RIMS2: variants seen among roughly 807,000 people sequenced by gnomAD.
RIMS2 encodes the protein regulating synaptic membrane exocytosis 2, also known as regulating synaptic membrane exocytosis protein 2.
Under a neutral mutation model 174.4 loss-of-function variants are expected in RIMS2, and 59 were observed. The ratio of observed to expected loss-of-function variants is 0.34; its 90% CI spans 0.27 to 0.42. The LOEUF is 0.42. RIMS2 is among the 10% of genes least tolerant of loss of function. The pLI is 1.00. For missense variants in RIMS2, 1,620 were observed against 1,666.3 expected (o/e 0.97, Z 0.48); for synonymous variants, 606 against 572.5 (o/e 1.06, Z -0.84).
chr8:103,909,078 A>T (rs2075122782), intron 4 of RIMS2, among the ~76,000 whole-genome samples: 1 of 152,102 alleles, frequency 6.6e-6, no homozygotes, highest in Non-Finnish European at 1.5e-5. Context: ...CTGACCCCAA[A>T]GTCTAAATTA....
At chr8:103,941,626 A>G (rs2154538196) in intron 13 of RIMS2, among the ~76,000 whole-genome samples, 1 of 152,334 alleles carries the variant, frequency 6.6e-6, no homozygotes, top group African/African-American at 2.4e-5. Flanking sequence ...ACCTCCTAAA[A>G]AAAATAGACA....
chr8:103,726,394 G>A (rs1224766947), intron 2 of RIMS2, among the ~76,000 whole-genome samples: 1 of 152,062 alleles, frequency 6.6e-6, no homozygotes, highest in Non-Finnish European at 1.5e-5. Flanking sequence ...TTTTGATGAA[G>A]TCCAATTTAT....
At chr8:103,673,347 C>T (rs934840206) in intron 1 of RIMS2, among the ~76,000 whole-genome samples, 1 of 152,212 alleles carries the variant, frequency 6.6e-6, no homozygotes, top group African/African-American at 2.4e-5. Context: ...GCTCCAACCC[C>T]ACATTTCTCC....
intron 3 of RIMS2, among the ~76,000 whole-genome samples, chr8:103,875,951 G>T (rs2099134409): frequency 6.6e-6 from 1 of 151,494 alleles, no homozygotes. Context: ...ACTTTTAGTG[G>T]GATTATTTGG....
chr8:104,154,137 A>T (rs1403170490), intron 19 of RIMS2, among the ~76,000 whole-genome samples: 2 of 152,204 alleles, frequency 1.3e-5, no homozygotes, highest in Non-Finnish European at 2.9e-5. Flanking sequence ...ATGAAGGAGG[A>T]ATGAGTTATT....
chr8:103,505,577 A>G (rs559334886), intron 1 of RIMS2, among the ~76,000 whole-genome samples: 1 of 152,226 alleles, frequency 6.6e-6, no homozygotes, highest in South Asian at 2.1e-4. Flanking sequence ...ATATCTTCGT[A>G]CATGCATTTC....
intron 4 of RIMS2, among the ~76,000 whole-genome samples, chr8:103,906,743 G>C (rs1273311322): frequency 7.1e-6 from 1 of 140,974 alleles, no homozygotes; most frequent in Non-Finnish European, 1.6e-5. Flanking sequence ...TTATTTACAG[G>C]CTTCAGGCTT....
At chr8:103,912,086 G>A in exon 6 of RIMS2, 1 of 1,603,500 alleles carries the variant, frequency 6.2e-7, no homozygotes, top group African/African-American at 1.3e-5. Flanking sequence ...TAAAGATGGA[G>A]ATCGTTTAAT....
chr8:103,545,502 T>C (rs1391309245), intron 1 of RIMS2, among the ~76,000 whole-genome samples: 1 of 152,192 alleles, frequency 6.6e-6, no homozygotes, highest in Non-Finnish European at 1.5e-5. Context: ...GAGGTGAACA[T>C]TGACATCCAG....
rs192376791 is a variant in RIMS2 at position 104,129,586 on chromosome 8, A to C, written c.3334+114971A>C. 4.0e-3 allele frequency among the ~76,000 whole-genome samples: 602 copies of C among 152,332 alleles called. 1 individual carries two copies. The highest frequency in any genetic ancestry group is 0.014 in the African/African-American group (566 of 41,588). ...ATTCTGTATTATCATAGAAGCAAAA[A>C]TGGGTTCATCATCAGACAACAGCTT... On this transcript the variant is annotated intron_variant, in intron 19 of 23. Coordinates refer to ENST00000504942, the Ensembl canonical transcript of RIMS2.
At chr8:104,214,414 T>A (rs1260107259) in intron 19 of RIMS2, among the ~76,000 whole-genome samples, 1 of 152,166 alleles carries the variant, frequency 6.6e-6, no homozygotes, top group Non-Finnish European at 1.5e-5. Context: ...TATCATAAAG[T>A]TTCATATCAA....
chr8:103,876,795 G>T lies in RIMS2; in HGVS notation c.699-8503G>T, dbSNP rs147383496. On this transcript the variant is annotated intron_variant, in intron 3 of 23. Coordinates refer to ENST00000504942, the Ensembl canonical transcript of RIMS2. Reference sequence around the variant, plus strand: ...TTACGTTCCTTTTTGTGGCTGAGTAGTATTCCATTGTGTGTGGATTGTGTA... The same window carrying T: ...TTACGTTCCTTTTTGTGGCTGAGTATTATTCCATTGTGTGTGGATTGTGTA... 3.1e-3 allele frequency among the ~76,000 whole-genome samples: 447 copies of T among 141,952 alleles called. 3 individuals are homozygous for T. Among genetic ancestry groups the T allele is most frequent in the African/African-American group, 0.011 (425 of 39,070 alleles). The allele number at this position is 141,952 out of a possible 152,430, so 93.1% of individuals were successfully genotyped here.
chr8:103,821,411 A>G (rs2098750979), intron 3 of RIMS2, among the ~76,000 whole-genome samples: 1 of 151,664 alleles, frequency 6.6e-6, no homozygotes, highest in Non-Finnish European at 1.5e-5. Flanking sequence ...TCGATAAGTA[A>G]TTTATCTTGC....
intron 1 of RIMS2, among the ~76,000 whole-genome samples, chr8:103,677,009 G>T (rs1303153619): frequency 6.6e-6 from 1 of 152,076 alleles, no homozygotes; most frequent in Non-Finnish European, 1.5e-5. Context: ...ACTTTTTAAA[G>T]TGTAGTGTCA....
chr8:103,565,285 G>C (rs139627372), intron 1 of RIMS2, among the ~76,000 whole-genome samples: 1 of 151,778 alleles, frequency 6.6e-6, no homozygotes, highest in Admixed American at 6.6e-5. Context: ...GAGGGAGAAG[G>C]AAATCTGATT....
At chr8:103,926,705 G>A (rs1250290127) in intron 10 of RIMS2, among the ~76,000 whole-genome samples, 1 of 151,484 alleles carries the variant, frequency 6.6e-6, no homozygotes, top group African/African-American at 2.4e-5. Flanking sequence ...CATAAGAAAT[G>A]TGAGGAATGG....
intron 3 of RIMS2, among the ~76,000 whole-genome samples, chr8:103,884,831 A>C (rs770502865): frequency 2.6e-4 from 39 of 151,900 alleles, no homozygotes; most frequent in Admixed American, 6.6e-5. Flanking sequence ...AAGAGCCAGC[A>C]CTTAATTTTA....
intron 15 of RIMS2, among the ~76,000 whole-genome samples, chr8:103,961,881 T>C (rs2090215431): frequency 6.6e-6 from 1 of 152,172 alleles, no homozygotes; most frequent in Non-Finnish European, 1.5e-5. Context: ...AGCATGCCTT[T>C]ATCAGTGTAC....
intron 1 of RIMS2, among the ~76,000 whole-genome samples, chr8:103,534,061 T>C (rs1016965229): frequency 1.3e-5 from 2 of 152,228 alleles, no homozygotes; most frequent in African/African-American, 2.4e-5. Flanking sequence ...AGCCCTGTTA[T>C]TGAACACTGG....
Sources: gnomAD v4.1 joint callset for allele counts (sites outside exome capture counted in the v4.1 genomes callset) on GRCh38, gnomAD v4.1.1 for gene constraint, MANE v1.5 for transcripts, NCBI Gene and HGNC (gene_info 2026-07-23, HGNC 2026-07-21) for gene names.